ZBTB46: variants seen among roughly 807,000 people sequenced by gnomAD.
The protein encoded by ZBTB46 is zinc finger and BTB domain-containing protein 46.
ZBTB46 carries 8 observed loss-of-function variants against 44.1 expected under a neutral mutation model. That is an observed-to-expected ratio of 0.18 (90% confidence interval 0.11 to 0.33). The LOEUF (loss-of-function observed/expected upper bound fraction) is 0.33, where lower values mean the gene tolerates loss of function less well. Ranked by LOEUF, ZBTB46 falls within the 10% of genes least tolerant of loss-of-function variation. The pLI is 1.00. For missense variants in ZBTB46, 651 were observed against 847.7 expected (o/e 0.77, Z 2.88); for synonymous variants, 409 against 382.3 (o/e 1.07, Z -0.81).
At chr20:63,818,239 A>G (rs1360747281) in intron 1 of ZBTB46, among the ~76,000 whole-genome samples, 1 of 152,246 alleles carries the variant, frequency 6.6e-6, no homozygotes, top group African/African-American at 2.4e-5. Context: ...CAGGTGAGGC[A>G]TGCCTTGACC....
In ZBTB46 at chr20:63,803,025, G is replaced by A. The variant is rs572953168; in HGVS notation, c.-33-12235C>T. On this transcript the variant is annotated intron_variant, in intron 1 of 4. Transcript: ENST00000245663. The surrounding 1 kb of genome is among the most constrained non-coding windows in gnomAD (Gnocchi z 4.0). ...CGCCCCGTTTCTACCACCAAAGAGC[G>A]CGATGCCACAGACGCCAACAGGAGG... Among the ~76,000 whole-genome samples the A allele has an allele frequency of 4.3e-4, 66 of 152,258 alleles. No homozygotes were observed. Among genetic ancestry groups the A allele is most frequent in the African/African-American group, 1.4e-3 (57 of 41,558 alleles).
chr20:63,828,065 C>T (rs902856735), intron 1 of ZBTB46, among the ~76,000 whole-genome samples: 1 of 152,244 alleles, frequency 6.6e-6, no homozygotes, highest in South Asian at 2.1e-4. Context: ...GGATTACAGG[C>T]GTGAGCCACC....
chr20:63,793,462 G>A (rs1459394764), intron 1 of ZBTB46, among the ~76,000 whole-genome samples: 2 of 152,146 alleles, frequency 1.3e-5, no homozygotes, highest in Non-Finnish European at 2.9e-5. Flanking sequence ...AAGCTGGGGG[G>A]TCCACAAGTG....
chr20:63,814,106 G>A (rs775164977), intron 1 of ZBTB46, among the ~76,000 whole-genome samples: 8 of 151,988 alleles, frequency 5.3e-5, no homozygotes, highest in East Asian at 1.9e-4. Context: ...GGCAGTGGGC[G>A]CCTGTAGTCC....
At chr20:63,833,367 G>A (rs1037320647), upstream of ZBTB46, among the ~76,000 whole-genome samples, 3 of 152,194 alleles carry the variant, frequency 2.0e-5, no homozygotes, top group African/African-American at 4.8e-5. Context: ...CGAGGCAGGC[G>A]GATCACGAGG....
At chr20:63,793,730 C>T (rs2092579513) in intron 1 of ZBTB46, among the ~76,000 whole-genome samples, 1 of 152,204 alleles carries the variant, frequency 6.6e-6, no homozygotes, top group Admixed American at 6.5e-5. Context: ...CAGCGGCTAC[C>T]TCACAACGGT....
chr20:63,815,338 A>G (rs1486949048), intron 1 of ZBTB46, among the ~76,000 whole-genome samples: 2 of 144,528 alleles, frequency 1.4e-5, no homozygotes, highest in African/African-American at 2.6e-5. Context: ...GCAGGTGGGC[A>G]TAGGTGCAGT....
intron 1 of ZBTB46, among the ~76,000 whole-genome samples, chr20:63,795,809 AG>A (rs1211636004): frequency 1.3e-5 from 2 of 152,214 alleles, no homozygotes; most frequent in Non-Finnish European, 2.9e-5. Context: ...GCTGGAGTGA[AG>A]GAAGAGTGGC....
chr20:63,772,754 CACA>C, intron 3 of ZBTB46, among the ~76,000 whole-genome samples: 1 of 61,308 alleles, frequency 1.6e-5, no homozygotes, highest in Non-Finnish European at 3.5e-5. Flanking sequence ...CACACACACA[CACA>C]CACACACACA....
At chr20:63,757,155 GCT>G (rs2092228027) in intron 3 of ZBTB46, among the ~76,000 whole-genome samples, 1 of 152,266 alleles carries the variant, frequency 6.6e-6, no homozygotes, top group South Asian at 2.1e-4. Context: ...ACAGAATCTT[GCT>G]CTGTCACCCA....
At chr20:63,775,655 C>G (rs201742100) in intron 3 of ZBTB46, 23 bp downstream of exon 3, 3 of 1,528,808 alleles carry the variant, frequency 2.0e-6, no homozygotes, top group African/African-American at 2.8e-5. Context: ...CAAAGCCAAG[C>G]GGCCCCCAGG....
chr20:63,832,599 G>A (rs1042236328), upstream of ZBTB46, among the ~76,000 whole-genome samples: 3 of 152,194 alleles, frequency 2.0e-5, no homozygotes, highest in Non-Finnish European at 4.4e-5. The surrounding 1 kb of genome is among the most constrained non-coding windows in gnomAD (Gnocchi z 5.0). Flanking sequence ...CCAACGCCTG[G>A]GACACTCCCT....
At chr20:63,763,659 C>A (rs539174082) in intron 3 of ZBTB46, among the ~76,000 whole-genome samples, 1 of 152,294 alleles carries the variant, frequency 6.6e-6, no homozygotes, top group South Asian at 2.1e-4. Context: ...TCCAGTATTG[C>A]GGATCACAGT....
rs777833339 is a variant in ZBTB46 at position 63,790,743 on chromosome 20, C to G, written c.15G>C (p.Lys5Asn). MNNR[K>N]EDMEITSHYR... Reference sequence around the variant, plus strand: ...AGTGGGACGTGATTTCCATATCTTCCTTTCGGTTGTTCATTTGGAAGCCCT... The same window carrying G: ...AGTGGGACGTGATTTCCATATCTTCGTTTCGGTTGTTCATTTGGAAGCCCT... Residue 5 changes from lysine (K) to asparagine (N), a missense_variant, in exon 2 of 5, where the codon AAG becomes AAC. By Grantham distance (94) the Lys-to-Asn change is moderately conservative. Transcript: ENST00000245663. 6.2e-7 allele frequency: 1 copy of G among 1,603,470 alleles called. No individual in the cohort carries two copies. The highest frequency in any genetic ancestry group is 1.3e-5 in the African/African-American group (1 of 74,956).
chr20:63,769,851 C>T (rs1216771915), intron 3 of ZBTB46, among the ~76,000 whole-genome samples: 2 of 152,222 alleles, frequency 1.3e-5, no homozygotes, highest in African/African-American at 2.4e-5. Context: ...AGTCTTTAAA[C>T]CACAACCAAA....
At chr20:63,759,252 C>T (rs1000725944) in intron 3 of ZBTB46, among the ~76,000 whole-genome samples, 47 of 146,016 alleles carry the variant, frequency 3.2e-4, no homozygotes, top group African/African-American at 1.1e-3. Context: ...TATTGAGTTT[C>T]GTACATTGGC....
chr20:63,790,846 G>A (rs1022558575), intron 1 of ZBTB46, 56 bp from the exon 2 acceptor site: 26 of 1,459,120 alleles, frequency 1.8e-5, no homozygotes, highest in Non-Finnish European at 2.2e-5. Context: ...GGCCGTGAGA[G>A]GACGCCGGGC....
At chr20:63,747,470 G>GC (rs1208271551) in intron 4 of ZBTB46, among the ~76,000 whole-genome samples, 169 bp from the exon 5 acceptor site, 2 of 47,336 alleles carry the variant, frequency 4.2e-5, no homozygotes, top group Non-Finnish European at 4.2e-5. Context: ...GGGGGGCGGG[G>GC]CAGGGGGTGA....
intron 1 of ZBTB46, among the ~76,000 whole-genome samples, chr20:63,822,688 C>T (rs1032602289): frequency 2.6e-5 from 4 of 152,158 alleles, no homozygotes; most frequent in African/African-American, 9.7e-5. Context: ...AGCACGAAAA[C>T]ATGAGAGTGA....
Sources: gnomAD v4.1 joint callset for allele counts (sites outside exome capture counted in the v4.1 genomes callset) on GRCh38, gnomAD v4.1.1 for gene constraint, Gnocchi (gnomAD v3.1) non-coding constraint, MANE v1.5 for transcripts, NCBI Gene and HGNC (gene_info 2026-07-23, HGNC 2026-07-21) for gene names.